DLG1: variants seen among roughly 807,000 people sequenced by gnomAD.
DLG1 encodes disks large homolog 1.
A neutral mutation model predicts 123.4 loss-of-function variants in DLG1; 42 were observed. That is an observed-to-expected ratio of 0.34 (90% CI 0.27 to 0.44). The LOEUF (loss-of-function observed/expected upper bound fraction) is 0.44, where lower values mean the gene tolerates loss of function less well. Ranked by LOEUF, DLG1 falls within the 20% of genes least tolerant of loss-of-function variation. The pLI is 1.00. For missense variants in DLG1, 942 were observed against 1,082.6 expected, an observed-to-expected ratio of 0.87 and a Z score of 1.82; for synonymous variants, 317 against 356.2, an observed-to-expected ratio of 0.89 and a Z score of 1.24.
At chr3:197,153,330 G>C (rs1794855439) in intron 5 of DLG1, among the ~76,000 whole-genome samples, 1 of 152,170 alleles carries the variant, frequency 6.6e-6, no homozygotes, top group Non-Finnish European at 1.5e-5. Flanking sequence ...GTCTGATGTA[G>C]ATGTTTTGGA....
chr3:197,282,933 T>C, intron 3 of DLG1, 88 bp from the exon 4 acceptor site: 1 of 707,702 alleles, frequency 1.4e-6, no homozygotes, highest in Non-Finnish European at 2.3e-6. Flanking sequence ...AAAAGCACAA[T>C]TTTTACTCTA....
Position 197,148,245 on chromosome 3 carries a change from C to CAAAAAAAAAAAAAAAAAAAAAAAAAA in DLG1, c.537+1497_537+1498insTTTTTTTTTTTTTTTTTTTTTTTTTT. On this transcript the variant is annotated intron_variant, in intron 6 of 24. Transcript: ENST00000667157. The stretch of plus-strand genomic sequence containing the variant: ...TAAAACCCCATCTCTACCAAAAATA[C>CAAAAAAAAAAAAAAAAAAAAAAAAAA]AAAAAAAAAAAAAAAATAGCCAGTC... Among the ~76,000 whole-genome samples the CAAAAAAAAAAAAAAAAAAAAAAAAAA allele has an allele frequency of 3.5e-4, 15 of 43,246 alleles. 2 individuals carry two copies. The highest frequency in any genetic ancestry group is 6.0e-4 in the African/African-American group (5 of 8,402). The allele number at this position is 43,246 out of a possible 152,430, so 28.4% of individuals were successfully genotyped here.
intron 17 of DLG1, among the ~76,000 whole-genome samples, chr3:197,079,661 A>C (rs1749620131): frequency 6.6e-6 from 1 of 152,226 alleles, no homozygotes; most frequent in African/African-American, 2.4e-5. Flanking sequence ...ACAAGCATTA[A>C]AAAATTCACA....
At chr3:197,049,965 G>A (rs903832582) in intron 24 of DLG1, among the ~76,000 whole-genome samples, 1 of 152,152 alleles carries the variant, frequency 6.6e-6, no homozygotes, top group Non-Finnish European at 1.5e-5. Flanking sequence ...GGAAGCTGAA[G>A]AGAGAGAATT....
intron 5 of DLG1, among the ~76,000 whole-genome samples, chr3:197,181,778 A>G (rs979324261): frequency 7.2e-5 from 11 of 152,214 alleles, no homozygotes; most frequent in Non-Finnish European, 1.6e-4. Context: ...AAGGTAATGA[A>G]AAAGACAAGA....
chr3:197,148,393 A>G (rs1577086687), intron 6 of DLG1, among the ~76,000 whole-genome samples: 1 of 146,174 alleles, frequency 6.8e-6, no homozygotes, highest in African/African-American at 2.5e-5. Flanking sequence ...CCTGGGTGAC[A>G]GAGTGAAACT....
chr3:197,160,657 T>A (rs1403760864), intron 5 of DLG1, among the ~76,000 whole-genome samples: 1 of 152,178 alleles, frequency 6.6e-6, no homozygotes, highest in Non-Finnish European at 1.5e-5. Flanking sequence ...TGTAACACTG[T>A]AATTTCCCCT....
At chr3:197,181,227 AT>A (rs1206775176) in intron 5 of DLG1, among the ~76,000 whole-genome samples, 14 of 152,186 alleles carry the variant, frequency 9.2e-5, no homozygotes, top group Non-Finnish European at 1.5e-5. Flanking sequence ...GATAGTTTTC[AT>A]ACTAATAGAA....
At chr3:197,069,550 C>A in intron 18 of DLG1, 1 of 222,676 alleles carries the variant, frequency 4.5e-6, no homozygotes, top group East Asian at 9.3e-5. Flanking sequence ...CTGAATTAGT[C>A]CAAATGTAGA....
intron 3 of DLG1, among the ~76,000 whole-genome samples, chr3:197,291,645 T>C (rs750169301): frequency 2.0e-5 from 3 of 152,190 alleles, no homozygotes; most frequent in Non-Finnish European, 4.4e-5. Flanking sequence ...ATAAAGAATA[T>C]CCCAATGGTT....
intron 14 of DLG1, 121 bp from the exon 15 acceptor site, chr3:197,091,147 GT>G: frequency 1.8e-6 from 1 of 562,958 alleles, no homozygotes; most frequent in Non-Finnish European, 3.0e-6. Flanking sequence ...CCTTAAAATA[GT>G]AATATGCGAA....
chr3:197,201,023 T>C (rs149340743), intron 4 of DLG1, among the ~76,000 whole-genome samples: 183 of 152,250 alleles, frequency 1.2e-3, no homozygotes, highest in African/African-American at 4.2e-3. Context: ...GCATCCAAAT[T>C]AGAAAAGAGG....
intron 6 of DLG1, among the ~76,000 whole-genome samples, chr3:197,146,010 A>AAATG (rs1790598101): frequency 6.6e-6 from 1 of 150,558 alleles, no homozygotes; most frequent in Non-Finnish European, 1.5e-5. Flanking sequence ...ATAAATAAAT[A>AAATG]AATAAATAAA....
intron 3 of DLG1, among the ~76,000 whole-genome samples, chr3:197,283,068 A>C (rs548524832): frequency 1.3e-5 from 2 of 152,324 alleles, no homozygotes; most frequent in East Asian, 3.9e-4. Flanking sequence ...TTTACACTTC[A>C]AAGTCAGCAC....
At chr3:197,118,662 C>T (rs76083050) in intron 12 of DLG1, among the ~76,000 whole-genome samples, 9 of 152,240 alleles carry the variant, frequency 5.9e-5, no homozygotes, top group African/African-American at 2.2e-4. Context: ...TCTATAGTGT[C>T]TTATTACTAT....
intron 1 of DLG1, chr3:197,298,026 G>C: frequency 1.4e-6 from 1 of 724,736 alleles, no homozygotes. Flanking sequence ...CGGCCCCCCG[G>C]CCCGCTCGCC....
Position 197,085,698 on chromosome 3 carries a change from A to C in DLG1, c.1720T>G (p.Phe574Val). Residue 574 changes from phenylalanine (F) to valine (V), a missense_variant, in exon 16 of 25, where the codon TTC becomes GTC. Phe to Val is a conservative substitution (Grantham distance 50, BLOSUM62 -1). Transcript: ENST00000667157. Reference protein sequence around the residue: ...DSGLPSQGLNFKFGDILHVIN... With the variant: ...DSGLPSQGLNVKFGDILHVIN... ...ACATGGAGGATATCTCCAAATTTGA[A>C]GTTCAGTCCCTGACTGGGAAGCCCA... 1 of 1,613,894 alleles carries C rather than the reference A, an allele frequency of 6.2e-7. No homozygotes were observed. The highest frequency in any genetic ancestry group is 8.5e-7 in the Non-Finnish European group (1 of 1,179,970).
chr3:197,241,897 C>T (rs1167045934), intron 4 of DLG1, among the ~76,000 whole-genome samples: 1 of 151,906 alleles, frequency 6.6e-6, no homozygotes, highest in East Asian at 1.9e-4. Flanking sequence ...AATCTCTTAA[C>T]CACAAGAAAG....
intron 5 of DLG1, among the ~76,000 whole-genome samples, chr3:197,173,281 G>T (rs563927736): frequency 2.0e-5 from 3 of 152,274 alleles, no homozygotes; most frequent in African/African-American, 7.2e-5. Flanking sequence ...GGTAGTGGTG[G>T]ATAAAAGGGT....
Sources: gnomAD v4.1 joint callset for allele counts (sites outside exome capture counted in the v4.1 genomes callset) on GRCh38, gnomAD v4.1.1 for gene constraint, MANE v1.5 for transcripts, NCBI Gene and HGNC (gene_info 2026-07-23, HGNC 2026-07-21) for gene names.